Variants in WNT5A observed in about 807,000 individuals in gnomAD.
WNT5A encodes protein Wnt-5a.
In WNT5A, 9 loss-of-function variants were observed where a neutral mutation model predicts 42.1. The observed-to-expected ratio is 0.21, with a 90% CI of 0.13 to 0.37. The LOEUF is 0.37. Among genes scored for constraint, WNT5A ranks in the 10% least tolerant of loss-of-function variants. The pLI is 1.00. For synonymous variants in WNT5A, 210 were observed against 210.0 expected (o/e 1.00, Z 0.00); for missense variants, 426 against 534.0 (o/e 0.80, Z 1.99).
chr3:55,501,142 A>G, the WNT5A span, among the ~76,000 whole-genome samples: 4 of 152,198 alleles, frequency 2.6e-5, no homozygotes, highest in Admixed American at 6.5e-5. Context: ...GGAATGAAAC[A>G]ATTATCTTCC....
rs186963055 is a variant in WNT5A, at chr3:55,467,227, C to T, written c.*2865G>A. On this transcript the variant is annotated 3_prime_UTR_variant, in exon 5 of 5. Coordinates refer to ENST00000264634, the MANE Select transcript of WNT5A (RefSeq NM_003392.7). Reference sequence around the variant, plus strand: ...TTTTTTTGGACTAAAAATCTGGTCACGGATAAAAGCATGTGCCTTTTCATT... The same window carrying T: ...TTTTTTTGGACTAAAAATCTGGTCATGGATAAAAGCATGTGCCTTTTCATT... 6 of 152,592 alleles carry T rather than the reference C, an allele frequency of 3.9e-5. No homozygotes were observed. The highest frequency in any genetic ancestry group is 2.0e-4 in the Admixed American group (3 of 15,292). 9.5% of individuals were successfully genotyped at this position (152,592 alleles called of 1,614,324 possible).
Position 55,466,683 on chromosome 3 carries a change from C to A in WNT5A, c.*3409G>T, listed in dbSNP as rs374732462. On this transcript the variant is annotated 3_prime_UTR_variant, in exon 5 of 5. Coordinates refer to ENST00000264634, the MANE Select transcript of WNT5A (RefSeq NM_003392.7). The stretch of plus-strand genomic sequence containing the variant: ...ATTAATTTTCTTGTATTGGGAAGAT[C>A]TTGAATACGCTCCAGGATGAGAAGA... 2.6e-5 allele frequency: 4 copies of A among 152,656 alleles called. No individual in the cohort carries two copies. The South Asian group carries it at 6.2e-4, about 24-fold the overall frequency. 9.5% of individuals were successfully genotyped at this position (152,656 alleles called of 1,614,324 possible). A position where few individuals can be genotyped will look rare whatever the true frequency, so the allele number is the denominator to read the frequency against.
chr3:55,487,368 C>T (rs886058748), upstream of WNT5A: 1 of 284,420 alleles, frequency 3.5e-6, no homozygotes. Context: ...GGCTTTCCAA[C>T]CCCAAATGTG....
At position 55,467,797 on chromosome 3, in the gene WNT5A, C is replaced by T. The variant is rs1364892499; in HGVS notation, c.*2295G>A. 5 of 150,970 alleles carry T rather than the reference C, an allele frequency of 3.3e-5. No homozygotes were observed. Among genetic ancestry groups the T allele is most frequent in the African/African-American group, 1.2e-4 (5 of 40,596 alleles). 9.4% of individuals were successfully genotyped at this position (150,970 alleles called of 1,614,324 possible). A position where few individuals can be genotyped will look rare whatever the true frequency, so the allele number is the denominator to read the frequency against. ...TCTTTTAAAAGCTAGGATTGTTAAACTCAACTCTCTTCATAAACATGAGTC... is the reference window on the plus strand; with the variant it reads ...TCTTTTAAAAGCTAGGATTGTTAAATTCAACTCTCTTCATAAACATGAGTC... On this transcript the variant is annotated 3_prime_UTR_variant, in exon 5 of 5. Coordinates refer to ENST00000264634, the MANE Select transcript of WNT5A (RefSeq NM_003392.7).
upstream of WNT5A, chr3:55,487,635 G>A (rs1233310354): frequency 6.6e-6 from 1 of 152,596 alleles, no homozygotes; most frequent in Non-Finnish European, 1.5e-5. Context: ...CTGCAGCCGC[G>A]AGTTAGTGTG....
At chr3:55,504,737 T>C in the WNT5A span, among the ~76,000 whole-genome samples, 1 of 152,240 alleles carries the variant, frequency 6.6e-6, no homozygotes, top group East Asian at 1.9e-4. Flanking sequence ...TTGCTGGGAT[T>C]ACAGGCGTAA....
upstream of WNT5A, among the ~76,000 whole-genome samples, chr3:55,493,376 C>T (rs1216630947): frequency 6.6e-6 from 1 of 152,216 alleles, no homozygotes; most frequent in Non-Finnish European, 1.5e-5. Flanking sequence ...TGACCAGTCA[C>T]CCTCACTCCC....
At chr3:55,472,440 G>A (rs1375207526) in intron 4 of WNT5A, among the ~76,000 whole-genome samples, 2 of 152,188 alleles carry the variant, frequency 1.3e-5, no homozygotes, top group East Asian at 1.9e-4. Context: ...TTTCTGATCT[G>A]AGGCACTGGG....
the WNT5A span, among the ~76,000 whole-genome samples, chr3:55,503,650 T>G: frequency 6.6e-6 from 1 of 152,182 alleles, no homozygotes; most frequent in Admixed American, 6.5e-5. Flanking sequence ...CTACCACTAC[T>G]GCACCATCAA....
rs1186502484 is a variant in WNT5A at position 55,467,871 on chromosome 3, T to C, written c.*2221A>G. Reference sequence around the variant, plus strand: ...AGCAAATAAAAAAAGTACTTCATGGTTTTTGTATAATAAAAACCAAAAAAG... The same window carrying C: ...AGCAAATAAAAAAAGTACTTCATGGCTTTTGTATAATAAAAACCAAAAAAG... On this transcript the variant is annotated 3_prime_UTR_variant, in exon 5 of 5. Transcript: ENST00000264634. 2.0e-5 allele frequency: 3 copies of C among 152,096 alleles called. No homozygotes were observed. The highest frequency in any genetic ancestry group is 1.3e-4 in the Admixed American group (2 of 15,256). The allele number at this position is 152,096 out of a possible 1,614,324, so 9.4% of individuals were successfully genotyped here.
chr3:55,473,060 A>G (rs1392443878), intron 4 of WNT5A, among the ~76,000 whole-genome samples: 1 of 152,214 alleles, frequency 6.6e-6, no homozygotes, highest in Non-Finnish European at 1.5e-5. Flanking sequence ...ACAACACTGC[A>G]TTTTAACCCA....
In WNT5A at chr3:55,474,583, C is replaced by A; in HGVS notation, c.438G>T (p.Val146=). 6.7e-7 allele frequency: 1 copy of A among 1,496,568 alleles called. No individual in the cohort carries two copies. The highest frequency in any genetic ancestry group is 2.5e-5 in the East Asian group (1 of 40,512). The allele number at this position is 1,496,568 out of a possible 1,614,324, so 92.7% of individuals were successfully genotyped here. A position where few individuals can be genotyped will look rare whatever the true frequency, so the allele number is the denominator to read the frequency against. Residue 146 remains valine (V), a synonymous_variant, in exon 4 of 5, where the codon GTG becomes GTT. Coordinates refer to ENST00000264634, the MANE Select transcript of WNT5A (RefSeq NM_003392.7). ...AFTYAVSAAG[V]VNAMSRACRE... Reference sequence around the variant, plus strand: ...GGCACGCCCGGCTCATGGCGTTCACCACCCCTGCTGCGCTCACCGCGTATG... The same window carrying A: ...GGCACGCCCGGCTCATGGCGTTCACAACCCCTGCTGCGCTCACCGCGTATG...
chr3:55,477,277 C>G (rs1247624289), intron 3 of WNT5A, among the ~76,000 whole-genome samples: 1 of 152,184 alleles, frequency 6.6e-6, no homozygotes, highest in Non-Finnish European at 1.5e-5. Flanking sequence ...CCATGTTCCT[C>G]TTTCATAAAA....
rs779984707 is a variant in WNT5A at position 55,474,326 on chromosome 3, G to A, written c.684+11C>T. The A allele has an allele frequency of 1.2e-6, 2 of 1,612,542 alleles. No homozygotes were observed. The highest frequency in any genetic ancestry group is 1.3e-5 in the African/African-American group (1 of 74,894). On this transcript the variant is annotated intron_variant, in intron 4 of 4. Coordinates refer to ENST00000264634, the MANE Select transcript of WNT5A (RefSeq NM_003392.7). ...CAGAGATGCGGGGCGGGGGCGAGAC[G>A]CGGCACTCACCCTGCGGCCGGCCTC...
rs1270832391 is a variant in WNT5A, at chr3:55,481,467, G to T, written c.7-549C>A. On this transcript the variant is annotated intron_variant, in intron 1 of 4. Coordinates refer to ENST00000264634, the MANE Select transcript of WNT5A (RefSeq NM_003392.7). ...GGGGGGTGGAGGATGGGGGCAGGAC[G>T]CGGGAGGGAAGGGCAGGGGGTGGGG... 6.8e-6 allele frequency: 6 copies of T among 886,418 alleles called. No individual in the cohort carries two copies. The African/African-American group carries it at 7.2e-5, about 11-fold the overall frequency. The allele number at this position is 886,418 out of a possible 1,614,324, so 54.9% of individuals were successfully genotyped here. A position where few individuals can be genotyped will look rare whatever the true frequency, so the allele number is the denominator to read the frequency against.
Position 55,474,630 on chromosome 3 carries a change from C to T in WNT5A, c.392-1G>A. 1 of 1,258,472 alleles carries T rather than the reference C, an allele frequency of 7.9e-7. No individual in the cohort carries two copies. The highest frequency in any genetic ancestry group is 1.0e-6 in the Non-Finnish European group (1 of 993,542). 78.0% of individuals were successfully genotyped at this position (1,258,472 alleles called of 1,614,324 possible). On this transcript the variant is annotated splice_acceptor_variant, in intron 3 of 4. Transcript: ENST00000264634. LOFTEE classifies it high-confidence loss of function. ...TATGTGAAGGCCGTCTCGCGGCTGC[C>T]TGTGGGTGAGGACAAGGGATCACTG...
upstream of WNT5A, chr3:55,490,137 G>C (rs566978501): frequency 2.6e-5 from 4 of 152,308 alleles, no homozygotes; most frequent in Admixed American, 1.3e-4. Flanking sequence ...GTGTCCCAGA[G>C]TCCAAGGCAG....
Position 55,470,127 on chromosome 3 carries a change from A to G in WNT5A, c.1108T>C (p.Cys370Arg), listed in dbSNP as rs767422181. The change falls in exon 5 of 5, where the codon TGC becomes CGC. Residue 370 changes from cysteine to arginine, a missense_variant. Coordinates refer to ENST00000264634, the MANE Select transcript of WNT5A (RefSeq NM_003392.7). The stretch of plus-strand genomic sequence containing the variant: ...ACAAACTGGTCCACGATCTCCGTGC[A>G]CTTCTTGCACTTGACGTAGCAGCAC... ...HWCCYVKCKK[C>R]TEIVDQFVCK The G allele has an allele frequency of 6.2e-7, 1 of 1,614,156 alleles. No individual in the cohort carries two copies.
intron 4 of WNT5A, among the ~76,000 whole-genome samples, chr3:55,472,326 G>A (rs1450263569): frequency 6.6e-6 from 1 of 152,186 alleles, no homozygotes; most frequent in East Asian, 1.9e-4. Flanking sequence ...TTCTGGACAT[G>A]AGAGAAGGCT....
Sources: gnomAD v4.1 joint callset for allele counts (sites outside exome capture counted in the v4.1 genomes callset) on GRCh38, gnomAD v4.1.1 for gene constraint, MANE v1.5 for transcripts, NCBI Gene and HGNC (gene_info 2026-07-23, HGNC 2026-07-21) for gene names.